The following ACBD4 variants were observed in gnomAD, a reference collection of about 807,000 sequenced individuals.
The protein encoded by ACBD4 is acyl-CoA binding domain containing 4, also known as acyl-CoA-binding domain-containing protein 4.
ACBD4 carries 41 observed loss-of-function variants against 46.0 expected under a neutral mutation model. The observed-to-expected ratio is 0.89, with a 90% CI of 0.69 to 1.16. The LOEUF is 1.16. Among genes scored for constraint, ACBD4 ranks in the 50% most tolerant of loss-of-function variants. The probability of loss-of-function intolerance (pLI) is 0.00; values close to 1 mark genes in which losing one functional copy is unlikely to be tolerated. For missense variants in ACBD4, 393 were observed against 399.5 expected (o/e 0.98, Z 0.14); for synonymous variants, 162 against 155.9 (o/e 1.04, Z -0.29).
chr17:45,136,093 G>C lies in ACBD4; in HGVS notation c.-37-15G>C. On this transcript the variant is annotated splice_polypyrimidine_tract_variant and intron_variant, in intron 1 of 9. Transcript: ENST00000321854. ...GACCCTGGAGGCCCCCTCACACGAA[G>C]GCTGCTTCTTGCAGAGTCGCTCAAA... 1 of 1,596,866 alleles carries C rather than the reference G, an allele frequency of 6.3e-7. No homozygotes were observed. Among genetic ancestry groups the C allele is most frequent in the East Asian group, 2.2e-5 (1 of 44,776 alleles).
At chr17:45,139,319 G>A (rs1598089470) in intron 9 of ACBD4, among the ~76,000 whole-genome samples, 159 bp downstream of exon 9, 1 of 152,316 alleles carries the variant, frequency 6.6e-6, no homozygotes, top group African/African-American at 2.4e-5. Context: ...AGGTGGGGGT[G>A]AGGGTGGAGG....
chr17:45,133,396 G>T (rs1221182383), upstream of ACBD4: 1 of 152,226 alleles, frequency 6.6e-6, no homozygotes, highest in Non-Finnish European at 1.5e-5. Flanking sequence ...CCTACAGAGA[G>T]GCTAGTGCTC....
At chr17:45,132,298 G>T (rs748538131), upstream of ACBD4, 6 of 1,264,698 alleles carry the variant, frequency 4.7e-6, no homozygotes, top group Non-Finnish European at 6.0e-6. The surrounding 1 kb of genome is among the most constrained non-coding windows in gnomAD (Gnocchi z 4.6). Flanking sequence ...GCCATCGGAG[G>T]GAGTCGGCGG....
upstream of ACBD4, chr17:45,132,628 C>G (rs1054355765): frequency 2.3e-5 from 6 of 263,682 alleles, no homozygotes; most frequent in Middle Eastern, 1.2e-3. The surrounding 1 kb of genome is among the most constrained non-coding windows in gnomAD (Gnocchi z 4.6). Context: ...CAGGCGGTGG[C>G]CTGGAAGCCC....
chr17:45,139,691 C>T (rs1023804760), intron 9 of ACBD4, among the ~76,000 whole-genome samples: 31 of 152,142 alleles, frequency 2.0e-4, no homozygotes, highest in Non-Finnish European at 1.3e-4. Flanking sequence ...ACACAACAGC[C>T]CTATGAGATA....
At chr17:45,141,666 C>T (rs776346222) in intron 9 of ACBD4, among the ~76,000 whole-genome samples, 6 of 152,086 alleles carry the variant, frequency 3.9e-5, no homozygotes, top group Non-Finnish European at 5.9e-5. Flanking sequence ...CTCAAAAAAA[C>T]GCAAAGCACA....
chr17:45,136,351 T>A (rs899927982), intron 2 of ACBD4, 119 bp downstream of exon 2: 7 of 1,491,534 alleles, frequency 4.7e-6, no homozygotes, highest in Non-Finnish European at 6.5e-6. Flanking sequence ...TGGGCTGTCC[T>A]GGGGGTTCCC....
At chr17:45,134,889 A>T (rs2054704210), upstream of ACBD4, among the ~76,000 whole-genome samples, 1 of 151,564 alleles carries the variant, frequency 6.6e-6, no homozygotes, top group Non-Finnish European at 1.5e-5. Flanking sequence ...TTCTAACTGT[A>T]TTTTTGTACC....
chr17:45,133,160 C>G (rs544394266), upstream of ACBD4: 1 of 152,414 alleles, frequency 6.6e-6, no homozygotes, highest in African/African-American at 2.4e-5. Flanking sequence ...GGCACCCCAG[C>G]CCGGCACCCG....
At position 45,137,144 on chromosome 17, in the gene ACBD4, G is replaced by C; in HGVS notation, c.415+5G>C. ...CCTTCCTGAGAAGGGTCACAGGTCA[G>C]ACTCCCAGGCTGGGAGCTCCAAAAG... On this transcript the variant is annotated splice_donor_5th_base_variant and intron_variant, in intron 5 of 9. Coordinates refer to ENST00000321854, the MANE Select transcript of ACBD4 (RefSeq NM_001135705.3). 1 of 1,614,052 alleles carries C rather than the reference G, an allele frequency of 6.2e-7. No individual in the cohort carries two copies. The highest frequency in any genetic ancestry group is 8.5e-7 in the Non-Finnish European group (1 of 1,180,004).
At chr17:45,132,499 C>A (rs1049371423), upstream of ACBD4, 23 of 751,454 alleles carry the variant, frequency 3.1e-5, no homozygotes, top group Non-Finnish European at 3.8e-5. This position sits in a 1 kb window ranked among gnomAD's most constrained non-coding sequence, Gnocchi z 4.6. Context: ...CGGCTCTGAG[C>A]GAGGCGGCGA....
At chr17:45,141,461 G>A (rs1285357674) in intron 9 of ACBD4, among the ~76,000 whole-genome samples, 1 of 152,194 alleles carries the variant, frequency 6.6e-6, no homozygotes, top group Non-Finnish European at 1.5e-5. Context: ...GCTGAGGCAG[G>A]CAGATCGCTT....
At chr17:45,132,272 C>A, upstream of ACBD4, 1 of 1,274,982 alleles carries the variant, frequency 7.8e-7, no homozygotes, top group East Asian at 2.9e-5. The surrounding 1 kb of genome is among the most constrained non-coding windows in gnomAD (Gnocchi z 4.6). Flanking sequence ...GCCCGCAGCC[C>A]GGGCCTCTTG....
chr17:45,133,533 T>C (rs1190075985), upstream of ACBD4, among the ~76,000 whole-genome samples: 34 of 126,688 alleles, frequency 2.7e-4, no homozygotes, highest in South Asian at 5.8e-3. Context: ...TTTTTTTTTT[T>C]TTTTTTTTTT....
chr17:45,141,870 TC>T (rs2055293270), intron 9 of ACBD4, among the ~76,000 whole-genome samples: 1 of 152,072 alleles, frequency 6.6e-6, no homozygotes, highest in African/African-American at 2.4e-5. Context: ...CCCCATCAAC[TC>T]CATTTGCTAG....
upstream of ACBD4, chr17:45,132,511 C>T: frequency 4.6e-6 from 3 of 649,316 alleles, no homozygotes; most frequent in Non-Finnish European, 6.0e-6. This position sits in a 1 kb window ranked among gnomAD's most constrained non-coding sequence, Gnocchi z 4.6. Flanking sequence ...AGGCGGCGAG[C>T]GAAGAAACTT....
upstream of ACBD4, chr17:45,132,502 G>A: frequency 1.2e-6 from 1 of 826,910 alleles, no homozygotes; most frequent in Non-Finnish European, 1.5e-6. The surrounding 1 kb of genome is among the most constrained non-coding windows in gnomAD (Gnocchi z 4.6). Context: ...CTCTGAGCGA[G>A]GCGGCGAGCG....
upstream of ACBD4, chr17:45,132,124 C>T (rs1354454409): frequency 1.9e-6 from 2 of 1,071,130 alleles, no homozygotes; most frequent in Non-Finnish European, 2.4e-6. The surrounding 1 kb of genome is among the most constrained non-coding windows in gnomAD (Gnocchi z 4.6). Flanking sequence ...GGCCCTCCGC[C>T]CCTAGCCATA....
chr17:45,138,772 CAG>C (rs1219958819), intron 8 of ACBD4, among the ~76,000 whole-genome samples: 1 of 144,128 alleles, frequency 6.9e-6, no homozygotes, highest in African/African-American at 2.6e-5. Context: ...GCCTGGGCAA[CAG>C]AGCAAGACTG....
Sources: allele counts gnomAD v4.1 joint callset (sites outside exome capture counted in the v4.1 genomes callset), GRCh38; gene constraint gnomAD v4.1.1; non-coding constraint Gnocchi (gnomAD v3.1); transcripts MANE v1.5; gene names NCBI Gene and HGNC (gene_info 2026-07-23, HGNC 2026-07-21).